Variants in UNC13C observed in about 807,000 individuals in gnomAD.
UNC13C encodes unc-13 homolog C.
Under a neutral mutation model 245.4 loss-of-function variants are expected in UNC13C, and 174 were observed. The observed-to-expected ratio is 0.71, with a 90% CI of 0.63 to 0.80. UNC13C has a LOEUF of 0.80. Among genes scored for constraint, UNC13C ranks in the 30% least tolerant of loss-of-function variants. The pLI is 0.00. For synonymous variants in UNC13C, 992 were observed against 895.1 expected (o/e 1.11, Z -1.93); for missense variants, 2,829 against 2,602.9 (o/e 1.09, Z -1.89).
At chr15:53,846,988 T>C in the UNC13C span, among the ~76,000 whole-genome samples, 1 of 152,204 alleles carries the variant, frequency 6.6e-6, no homozygotes, top group African/African-American at 2.4e-5. Context: ...GCGCTGAGAA[T>C]AGTTGTCCTA....
the UNC13C span, among the ~76,000 whole-genome samples, chr15:53,943,298 A>C: frequency 6.6e-6 from 1 of 152,204 alleles, no homozygotes; most frequent in African/African-American, 2.4e-5. Flanking sequence ...AGACAAAATC[A>C]CATTCTCTTG....
At chr15:54,246,417 T>TG (rs969628320) in intron 7 of UNC13C, among the ~76,000 whole-genome samples, 18 of 151,524 alleles carry the variant, frequency 1.2e-4, no homozygotes, top group Middle Eastern at 3.4e-3. Context: ...AATAATGTTT[T>TG]TTTTTTTTTC....
the UNC13C span, among the ~76,000 whole-genome samples, chr15:53,933,211 C>T: frequency 2.0e-5 from 3 of 152,134 alleles, no homozygotes; most frequent in Non-Finnish European, 4.4e-5. Flanking sequence ...CTCTATGCTG[C>T]CCACTTCCCC....
chr15:54,446,479 G>A (rs947044072), intron 19 of UNC13C, among the ~76,000 whole-genome samples: 10 of 152,128 alleles, frequency 6.6e-5, no homozygotes, highest in South Asian at 6.2e-4. Flanking sequence ...TTGAACATTG[G>A]TTTCTAGTTC....
the UNC13C span, among the ~76,000 whole-genome samples, chr15:53,863,585 A>C: frequency 6.6e-6 from 1 of 152,176 alleles, no homozygotes; most frequent in Non-Finnish European, 1.5e-5. Flanking sequence ...AGTGTCAACA[A>C]TCAGAGATTT....
At chr15:54,059,465 G>A (rs568465237) in intron 2 of UNC13C, among the ~76,000 whole-genome samples, 2 of 152,058 alleles carry the variant, frequency 1.3e-5, no homozygotes, top group Non-Finnish European at 2.9e-5. Context: ...AAATAAAAGA[G>A]GATACAAACA....
chr15:54,310,304 A>G (rs971204157), intron 13 of UNC13C, among the ~76,000 whole-genome samples: 5 of 151,938 alleles, frequency 3.3e-5, no homozygotes, highest in African/African-American at 1.2e-4. Flanking sequence ...GTAACTACAC[A>G]TAAAGAGAGA....
At chr15:54,063,816 G>A (rs139364915) in intron 2 of UNC13C, among the ~76,000 whole-genome samples, 7 of 152,266 alleles carry the variant, frequency 4.6e-5, no homozygotes, top group Non-Finnish European at 8.8e-5. Flanking sequence ...AAGCTTCAAG[G>A]TGGGAGACAC....
intron 19 of UNC13C, among the ~76,000 whole-genome samples, chr15:54,461,396 G>T (rs1891835593): frequency 1.3e-5 from 2 of 152,132 alleles, no homozygotes; most frequent in Admixed American, 6.5e-5. Flanking sequence ...TAGCATTTTA[G>T]ATAAGGGATA....
Position 54,012,848 on chromosome 15 carries a change from C to A in UNC13C, c.-56C>A. 1 of 1,364,620 alleles carries A rather than the reference C, an allele frequency of 7.3e-7. No individual in the cohort carries two copies. Among genetic ancestry groups the A allele is most frequent in the Non-Finnish European group, 1.0e-6 (1 of 993,908 alleles). The allele number at this position is 1,364,620 out of a possible 1,614,324, so 84.5% of individuals were successfully genotyped here. A position where few individuals can be genotyped will look rare whatever the true frequency, so the allele number is the denominator to read the frequency against. ...TGCTTGCCTTGGATTTTCAGGTTTT[C>A]ATCCTGATACTTGTTTACTTTTCTG... On this transcript the variant is annotated 5_prime_UTR_variant, in exon 2 of 33. Transcript: ENST00000260323.
intron 22 of UNC13C, among the ~76,000 whole-genome samples, chr15:54,505,182 G>T (rs1759421476): frequency 6.6e-6 from 1 of 152,036 alleles, no homozygotes; most frequent in Non-Finnish European, 1.5e-5. Flanking sequence ...CCCTCTGTCT[G>T]CACTATACTC....
intron 30 of UNC13C, among the ~76,000 whole-genome samples, chr15:54,582,879 A>G (rs1898269370): frequency 6.6e-6 from 1 of 152,172 alleles, no homozygotes; most frequent in East Asian, 1.9e-4. Context: ...TATAAGTAAT[A>G]TAAATGTTGG....
At chr15:54,617,380 A>G (rs1248685839) in intron 30 of UNC13C, among the ~76,000 whole-genome samples, 1 of 152,028 alleles carries the variant, frequency 6.6e-6, no homozygotes, top group East Asian at 1.9e-4. Context: ...GAGGAGGGAT[A>G]TGGGGAGAAG....
chr15:54,134,068 G>A (rs1219460475), intron 2 of UNC13C, among the ~76,000 whole-genome samples: 3 of 151,960 alleles, frequency 2.0e-5, no homozygotes, highest in African/African-American at 7.2e-5. Context: ...GTGTGTGTGT[G>A]TGTGTGGTGA....
chr15:54,140,068 CT>C (rs781369254), intron 2 of UNC13C, among the ~76,000 whole-genome samples: 12 of 151,942 alleles, frequency 7.9e-5, no homozygotes, highest in Non-Finnish European at 1.6e-4. Flanking sequence ...ACTGTTTTAG[CT>C]GTTATAAATT....
At chr15:53,861,910 T>G in the UNC13C span, among the ~76,000 whole-genome samples, 2 of 152,160 alleles carry the variant, frequency 1.3e-5, no homozygotes, top group African/African-American at 4.8e-5. Context: ...AGCTCCACTA[T>G]CTTGTCCCTC....
chr15:54,282,893 G>A (rs542092392), intron 10 of UNC13C, among the ~76,000 whole-genome samples: 6 of 152,252 alleles, frequency 3.9e-5, no homozygotes, highest in South Asian at 2.1e-4. Context: ...AGGTCAGGCC[G>A]TCTCTCCTCT....
intron 19 of UNC13C, among the ~76,000 whole-genome samples, chr15:54,483,654 C>T (rs991077771): frequency 6.6e-6 from 1 of 152,116 alleles, no homozygotes; most frequent in Non-Finnish European, 1.5e-5. Flanking sequence ...TGCCACCATG[C>T]CCAGCTAATT....
At chr15:54,299,367 A>G (rs547649673) in intron 12 of UNC13C, among the ~76,000 whole-genome samples, 2 of 152,274 alleles carry the variant, frequency 1.3e-5, no homozygotes, top group Admixed American at 6.5e-5. Flanking sequence ...ACCTCGATTC[A>G]TTGCCCTGAC....
Sources: allele counts gnomAD v4.1 joint callset (sites outside exome capture counted in the v4.1 genomes callset), GRCh38; gene constraint gnomAD v4.1.1; transcripts MANE v1.5; gene names NCBI Gene and HGNC (gene_info 2026-07-23, HGNC 2026-07-21).